Variants in SLC8A1 observed in about 807,000 individuals in gnomAD.
SLC8A1 encodes the protein sodium/calcium exchanger 1.
In SLC8A1, 18 loss-of-function variants were observed where a neutral mutation model predicts 68.3. The ratio of observed to expected loss-of-function variants is 0.26; its 90% CI spans 0.18 to 0.39. SLC8A1 has a LOEUF of 0.39. Ranked by LOEUF, SLC8A1 falls within the 10% of genes least tolerant of loss-of-function variation. The probability of loss-of-function intolerance (pLI) is 1.00; values close to 1 mark genes in which losing one functional copy is unlikely to be tolerated. For synonymous variants in SLC8A1, 475 were observed against 415.5 expected (o/e 1.14, Z -1.74); for missense variants, 985 against 1,156.7 (o/e 0.85, Z 2.15).
intron 2 of SLC8A1, among the ~76,000 whole-genome samples, chr2:40,344,136 G>C (rs1254249474): frequency 6.6e-6 from 1 of 152,122 alleles, no homozygotes; most frequent in East Asian, 1.9e-4. Context: ...ATTTTTTAGA[G>C]TAATAAGGAG....
intron 2 of SLC8A1, among the ~76,000 whole-genome samples, chr2:40,212,541 C>A (rs2056799418): frequency 6.6e-6 from 1 of 152,000 alleles, no homozygotes; most frequent in South Asian, 2.1e-4. Flanking sequence ...TGTGGTCCTC[C>A]CAAACTCCTG....
intron 2 of SLC8A1, among the ~76,000 whole-genome samples, chr2:40,284,145 T>A (rs2067909208): frequency 1.3e-5 from 2 of 152,100 alleles, no homozygotes; most frequent in Admixed American, 1.3e-4. Context: ...TCTCCAAAAG[T>A]GTGCTTTCTC....
At chr2:40,503,272 A>G (rs1181100006) in intron 1 of SLC8A1, among the ~76,000 whole-genome samples, 1 of 151,944 alleles carries the variant, frequency 6.6e-6, no homozygotes, top group South Asian at 2.1e-4. Flanking sequence ...CCACATCTCT[A>G]CTGGTCTGTG....
intron 7 of SLC8A1, among the ~76,000 whole-genome samples, chr2:40,132,323 A>G (rs1432890286): frequency 6.6e-6 from 1 of 152,158 alleles, no homozygotes; most frequent in Non-Finnish European, 1.5e-5. Flanking sequence ...TTTATTCTCT[A>G]TGAGTTTTAG....
intron 2 of SLC8A1, among the ~76,000 whole-genome samples, chr2:40,409,471 T>C (rs926059498): frequency 6.6e-6 from 1 of 152,122 alleles, no homozygotes; most frequent in Non-Finnish European, 1.5e-5. Flanking sequence ...CCCCCAAAGA[T>C]TCTTAAATTC....
exon 2 of SLC8A1, chr2:40,428,600 A>G (rs1697496874): frequency 1.2e-6 from 2 of 1,613,782 alleles, no homozygotes; most frequent in African/African-American, 2.7e-5. Flanking sequence ...GATGTTCTCA[A>G]TACTTTCACC....
chr2:40,378,716 C>T (rs537844825), intron 2 of SLC8A1, among the ~76,000 whole-genome samples: 15 of 152,176 alleles, frequency 9.9e-5, no homozygotes, highest in South Asian at 4.1e-4. Flanking sequence ...AAGTAGAGGT[C>T]AGAAGCCAGA....
chr2:40,307,474 T>G (rs1351811976), intron 2 of SLC8A1, among the ~76,000 whole-genome samples: 3 of 152,196 alleles, frequency 2.0e-5, no homozygotes, highest in Non-Finnish European at 4.4e-5. Context: ...ATGATGTGAA[T>G]ATACTTAACA....
intron 2 of SLC8A1, among the ~76,000 whole-genome samples, chr2:40,234,044 C>T (rs528874529): frequency 6.6e-6 from 1 of 152,314 alleles, no homozygotes; most frequent in Admixed American, 6.5e-5. Context: ...ATGCCTCCAG[C>T]TTTGTTCTTT....
At position 40,252,869 on chromosome 2, in the gene SLC8A1, CAAT is replaced by C. The variant is rs201117449; in HGVS notation, c.1809-75017_1809-75015del. On this transcript the variant is annotated intron_variant, in intron 2 of 7. Transcript: ENST00000406785. ...ATATGTATATATACACATTTGATTC[CAAT>C]AATATATATTTTGAGCCAAATTTTA... Among the ~76,000 whole-genome samples the C allele has an allele frequency of 9.9e-4, 102 of 103,162 alleles. 1 individual carries two copies. The East Asian group carries it at 0.023, about 23-fold the overall frequency. The allele number at this position is 103,162 out of a possible 152,430, so 67.7% of individuals were successfully genotyped here.
chr2:40,432,545 A>G (rs967983629), intron 1 of SLC8A1, among the ~76,000 whole-genome samples: 20 of 151,030 alleles, frequency 1.3e-4, no homozygotes, highest in Middle Eastern at 3.4e-3. Flanking sequence ...AGTTTTGTGG[A>G]TATCTGTAGG....
exon 8 of SLC8A1, chr2:40,113,173 C>A (rs549270796): frequency 6.6e-6 from 1 of 152,216 alleles, no homozygotes; most frequent in Admixed American, 6.5e-5. Context: ...ATTACTCATT[C>A]AGTCACCAAA....
exon 8 of SLC8A1, chr2:40,109,387 A>G (rs1239497876): frequency 6.6e-6 from 1 of 152,204 alleles, no homozygotes; most frequent in Non-Finnish European, 1.5e-5. Context: ...TTGATAGAAT[A>G]AAAGGCTAGG....
intron 2 of SLC8A1, among the ~76,000 whole-genome samples, chr2:40,223,319 G>C (rs2148853243): frequency 6.6e-6 from 1 of 152,198 alleles, no homozygotes; most frequent in East Asian, 1.9e-4. Flanking sequence ...TGAACAATGA[G>C]AACACATGGA....
chr2:40,151,168 A>G (rs2043345417), intron 6 of SLC8A1, among the ~76,000 whole-genome samples: 1 of 152,216 alleles, frequency 6.6e-6, no homozygotes, highest in Non-Finnish European at 1.5e-5. Context: ...TATGTGTACA[A>G]ATATGTGAAA....
chr2:40,489,515 A>G (rs191688689), intron 1 of SLC8A1, among the ~76,000 whole-genome samples: 50 of 152,240 alleles, frequency 3.3e-4, no homozygotes, highest in Non-Finnish European at 4.6e-4. Context: ...CTGACATTCA[A>G]TGTTACTCAC....
upstream of SLC8A1, chr2:40,452,077 G>A (rs1198125119): frequency 6.7e-6 from 1 of 150,156 alleles, no homozygotes; most frequent in Non-Finnish European, 1.5e-5. Context: ...GCCGGCGCGA[G>A]CGGGAGCCGC....
At chr2:40,141,899 G>A (rs1031509150) in intron 6 of SLC8A1, among the ~76,000 whole-genome samples, 5 of 152,192 alleles carry the variant, frequency 3.3e-5, no homozygotes, top group African/African-American at 1.2e-4. Context: ...CCATGTGAGT[G>A]TCCAGTGAGA....
chr2:40,249,288 C>A (rs888491026), intron 2 of SLC8A1, among the ~76,000 whole-genome samples: 3 of 151,968 alleles, frequency 2.0e-5, no homozygotes, highest in African/African-American at 7.3e-5. Flanking sequence ...AATGCCTATC[C>A]GTTTTTGAGG....
Sources: allele counts gnomAD v4.1 joint callset (sites outside exome capture counted in the v4.1 genomes callset), GRCh38; gene constraint gnomAD v4.1.1; transcripts MANE v1.5; gene names NCBI Gene and HGNC (gene_info 2026-07-23, HGNC 2026-07-21).